Variants in SMIM23 observed in about 807,000 individuals in gnomAD.
SMIM23 encodes small integral membrane protein 23.
A neutral mutation model predicts 12.8 loss-of-function variants in SMIM23; 10 were observed. That is an observed-to-expected ratio of 0.78 (90% confidence interval 0.48 to 1.32). SMIM23 has a LOEUF of 1.32. SMIM23 is among the 40% of genes most tolerant of loss of function. The pLI is 0.00. For missense variants in SMIM23, 184 were observed against 198.2 expected (o/e 0.93, Z 0.43); for synonymous variants, 78 against 80.1 (o/e 0.97, Z 0.14).
rs1318161877 is a variant in SMIM23, at chr5:171,790,780, G to C, written c.226-15G>C. 6.5e-7 allele frequency: 1 copy of C among 1,536,104 alleles called. No homozygotes were observed. Among genetic ancestry groups the C allele is most frequent in the Non-Finnish European group, 8.7e-7 (1 of 1,146,888 alleles). ...TGAGAAAGCACAGGATGCCACTTCT[G>C]TGTCTGCCTTCCAGGGGCTTGAATA... On this transcript the variant is annotated splice_polypyrimidine_tract_variant and intron_variant, in intron 3 of 3. Transcript: ENST00000523047.
At chr5:171,774,162 T>A in the SMIM23 span, among the ~76,000 whole-genome samples, 1 of 152,204 alleles carries the variant, frequency 6.6e-6, no homozygotes, top group African/African-American at 2.4e-5. Flanking sequence ...TTTGGTGACA[T>A]TAGCTGTTAC....
At chr5:171,779,625 G>A (rs183791856), upstream of SMIM23, among the ~76,000 whole-genome samples, 8 of 152,246 alleles carry the variant, frequency 5.3e-5, no homozygotes, top group Non-Finnish European at 1.2e-4. Flanking sequence ...CTCCTGTACA[G>A]GCTTGCCAAT....
At chr5:171,778,447 T>TCACA (rs4041455), upstream of SMIM23, among the ~76,000 whole-genome samples, 1,354 of 141,610 alleles carry the variant, frequency 9.6e-3, 11 homozygotes, top group Middle Eastern at 0.043. Context: ...TGGGAAAATT[T>TCACA]CACACACACA....
At chr5:171,777,711 A>G (rs552304463), upstream of SMIM23, among the ~76,000 whole-genome samples, 2 of 152,348 alleles carry the variant, frequency 1.3e-5, no homozygotes, top group Non-Finnish European at 2.9e-5. Context: ...GACATCCCCC[A>G]GCCTCTCAGA....
chr5:171,777,359 C>T, the SMIM23 span, among the ~76,000 whole-genome samples: 2 of 152,218 alleles, frequency 1.3e-5, no homozygotes, highest in Non-Finnish European at 1.5e-5. Flanking sequence ...TCCAGGCAGC[C>T]GAACGCCTCA....
the SMIM23 span, among the ~76,000 whole-genome samples, chr5:171,775,685 T>C: frequency 1.3e-5 from 2 of 152,182 alleles, no homozygotes; most frequent in African/African-American, 4.8e-5. Context: ...GACATGGTTT[T>C]AGTTTCTATC....
At chr5:171,783,630 C>T (rs182522061), upstream of SMIM23, among the ~76,000 whole-genome samples, 35 of 152,232 alleles carry the variant, frequency 2.3e-4, no homozygotes, top group Admixed American at 1.0e-3. Flanking sequence ...AGAAAATCTT[C>T]GGAACCTAGG....
At chr5:171,775,868 A>ATTTTGTTTTG in the SMIM23 span, among the ~76,000 whole-genome samples, 11 of 151,380 alleles carry the variant, frequency 7.3e-5, no homozygotes, top group African/African-American at 2.4e-4. Flanking sequence ...CACGTATTTC[A>ATTTTGTTTTG]TTTTGTTTTG....
At chr5:171,784,437 A>G (rs1311301001), upstream of SMIM23, among the ~76,000 whole-genome samples, 2 of 152,040 alleles carry the variant, frequency 1.3e-5, no homozygotes, top group African/African-American at 4.8e-5. Context: ...CCCGGGAGGC[A>G]GAGCTTGCAG....
chr5:171,785,242 C>T (rs1247078223), upstream of SMIM23, among the ~76,000 whole-genome samples: 1 of 152,118 alleles, frequency 6.6e-6, no homozygotes, highest in African/African-American at 2.4e-5. Context: ...ATGTCCACAT[C>T]CAGGCTGTGA....
upstream of SMIM23, among the ~76,000 whole-genome samples, chr5:171,780,054 C>G (rs1042439438): frequency 1.3e-5 from 2 of 152,108 alleles, no homozygotes; most frequent in African/African-American, 4.8e-5. Flanking sequence ...TACAATGATA[C>G]CAGGATTTGA....
chr5:171,785,764 C>T (rs984167642), upstream of SMIM23: 13 of 843,318 alleles, frequency 1.5e-5, no homozygotes, highest in Admixed American at 2.4e-4. Context: ...CCTTCTGTGA[C>T]ATCAGAACTC....
upstream of SMIM23, among the ~76,000 whole-genome samples, chr5:171,779,791 G>A (rs539547653): frequency 6.6e-5 from 10 of 152,110 alleles, no homozygotes; most frequent in African/African-American, 2.2e-4. Flanking sequence ...GGAATGAAGC[G>A]AGGAAGGCAG....
At chr5:171,781,613 G>A (rs1755729271), upstream of SMIM23, among the ~76,000 whole-genome samples, 2 of 151,644 alleles carry the variant, frequency 1.3e-5, no homozygotes, top group Admixed American at 6.6e-5. Context: ...AAACTTACCT[G>A]GTATAAGACG....
At chr5:171,773,969 T>C in the SMIM23 span, 2 of 394,346 alleles carry the variant, frequency 5.1e-6, no homozygotes, top group Non-Finnish European at 1.0e-5. Context: ...GTGAGTAGAA[T>C]TTACATACGC....
In SMIM23 at chr5:171,790,874, T is replaced by C. The variant is rs773530094; in HGVS notation, c.305T>C (p.Val102Ala). ...IRNWLKEKLH[V>A]FSEKLEEEVQ... The stretch of plus-strand genomic sequence containing the variant: ...AACTGGCTGAAGGAGAAGTTGCATG[T>C]CTTCTCGGAGAAGTTAGAGGAAGAG... Residue 102 changes from valine (V) to alanine (A), a missense_variant, in exon 4 of 4, where the codon GTC (valine) becomes GCC (alanine). Transcript: ENST00000523047. The C allele has an allele frequency of 1.3e-5, 20 of 1,536,086 alleles. No individual in the cohort carries two copies. The highest frequency in any genetic ancestry group is 1.7e-5 in the Non-Finnish European group (19 of 1,146,908).
chr5:171,779,717 AT>A, upstream of SMIM23, among the ~76,000 whole-genome samples: 1 of 152,242 alleles, frequency 6.6e-6, no homozygotes, highest in South Asian at 2.1e-4. Context: ...ATTAAATTGA[AT>A]TGGCATGGGG....
At chr5:171,775,336 AC>A in the SMIM23 span, among the ~76,000 whole-genome samples, 5 of 150,570 alleles carry the variant, frequency 3.3e-5, no homozygotes, top group African/African-American at 4.9e-5. Context: ...ATTCCCCCCA[AC>A]CCCCACCTCC....
intron 1 of SMIM23, 121 bp from the exon 2 acceptor site, chr5:171,790,109 G>A: frequency 1.0e-6 from 1 of 976,810 alleles, no homozygotes; most frequent in African/African-American, 1.6e-5. Flanking sequence ...TAGAACAAAA[G>A]TTAAACTCAA....
Sources: gnomAD v4.1 joint callset for allele counts (sites outside exome capture counted in the v4.1 genomes callset) on GRCh38, gnomAD v4.1.1 for gene constraint, MANE v1.5 for transcripts, NCBI Gene and HGNC (gene_info 2026-07-23, HGNC 2026-07-21) for gene names.